Variants in OSBPL10 observed in about 807,000 individuals in gnomAD.
OSBPL10 encodes oxysterol-binding protein-related protein 10.
Under a neutral mutation model 81.7 loss-of-function variants are expected in OSBPL10, and 49 were observed. The ratio of observed to expected loss-of-function variants is 0.60; its 90% confidence interval spans 0.48 to 0.76. The LOEUF is 0.76. Among genes scored for constraint, OSBPL10 ranks in the 30% least tolerant of loss-of-function variants. The pLI is 0.00. For missense variants in OSBPL10, 923 were observed against 987.8 expected, an observed-to-expected ratio of 0.93 and a Z score of 0.88; for synonymous variants, 419 against 383.6, an observed-to-expected ratio of 1.09 and a Z score of -1.08.
chr3:31,769,511 T>A (rs1227648173), intron 4 of OSBPL10, among the ~76,000 whole-genome samples: 1 of 138,886 alleles, frequency 7.2e-6, no homozygotes, highest in Non-Finnish European at 1.5e-5. Flanking sequence ...TAAAAATATA[T>A]TTTTATATTA....
intron 4 of OSBPL10, among the ~76,000 whole-genome samples, chr3:31,748,643 C>A (rs1164238712): frequency 1.8e-3 from 224 of 127,632 alleles, no homozygotes; most frequent in Admixed American, 3.2e-3. Flanking sequence ...CGCTCGCTTG[C>A]AAAAAAAAAA....
intron 1 of OSBPL10, among the ~76,000 whole-genome samples, chr3:31,965,546 T>TAAAC (rs1698323458): frequency 2.4e-5 from 1 of 41,438 alleles, no homozygotes; most frequent in African/African-American, 1.8e-4. Flanking sequence ...AAATTATATA[T>TAAAC]TATATATTAT....
At chr3:31,937,576 A>G (rs575702947) in intron 1 of OSBPL10, among the ~76,000 whole-genome samples, 3 of 152,032 alleles carry the variant, frequency 2.0e-5, no homozygotes, top group Non-Finnish European at 2.9e-5. Flanking sequence ...AGTCCTGTCC[A>G]AAGTTCAAGC....
At chr3:31,905,036 A>G (rs1398631036) in intron 1 of OSBPL10, among the ~76,000 whole-genome samples, 2 of 152,238 alleles carry the variant, frequency 1.3e-5, no homozygotes, top group Non-Finnish European at 1.5e-5. Flanking sequence ...ACCTCACAGG[A>G]CTTCAATGAG....
At chr3:31,931,419 G>A (rs1308823738) in intron 1 of OSBPL10, among the ~76,000 whole-genome samples, 1 of 152,064 alleles carries the variant, frequency 6.6e-6, no homozygotes, top group Non-Finnish European at 1.5e-5. Context: ...GGGTCCCCTA[G>A]CTGGTCTCCA....
At chr3:31,934,448 G>A (rs1439002192) in intron 1 of OSBPL10, among the ~76,000 whole-genome samples, 2 of 146,310 alleles carry the variant, frequency 1.4e-5, no homozygotes, top group African/African-American at 2.6e-5. Flanking sequence ...TCGCTCTGGC[G>A]CCCAGGCTGG....
intron 1 of OSBPL10, among the ~76,000 whole-genome samples, chr3:31,919,690 G>A (rs1311215623): frequency 6.6e-6 from 1 of 152,178 alleles, no homozygotes; most frequent in Non-Finnish European, 1.5e-5. Flanking sequence ...CAAAGGTCCA[G>A]GGAGGCAGTT....
chr3:31,741,847 C>A (rs1217530294), intron 5 of OSBPL10, among the ~76,000 whole-genome samples: 1 of 152,124 alleles, frequency 6.6e-6, no homozygotes, highest in Non-Finnish European at 1.5e-5. Context: ...GTGAATGGGT[C>A]TCACGAGATC....
chr3:31,708,829 G>C (rs1226551137), intron 6 of OSBPL10: 10 of 985,312 alleles, frequency 1.0e-5, no homozygotes, highest in Non-Finnish European at 1.2e-5. Flanking sequence ...TATCTCAGCT[G>C]AAAGGGTGGA....
chr3:32,042,243 T>C (rs1699582701), intron 2 of OSBPL10, among the ~76,000 whole-genome samples: 1 of 152,222 alleles, frequency 6.6e-6, no homozygotes, highest in African/African-American at 2.4e-5. Flanking sequence ...TAAGTCTTTC[T>C]AGTTAAGGAC....
intron 2 of OSBPL10, among the ~76,000 whole-genome samples, chr3:32,020,859 G>A (rs1382127075): frequency 6.6e-6 from 1 of 152,192 alleles, no homozygotes; most frequent in East Asian, 1.9e-4. Context: ...CTGCCATAAT[G>A]AAATACCACA....
rs1352518252 is a variant in OSBPL10, at chr3:32,065,991, GAAAGAAAGAAAGAAAGAGAA to G, written n.185+11385_185+11404del. Among the ~76,000 whole-genome samples, 118 of 65,384 alleles carry G rather than the reference GAAAGAAAGAAAGAAAGAGAA, an allele frequency of 1.8e-3. 30 individuals are homozygous for G. Among genetic ancestry groups the G allele is most frequent in the African/African-American group, 4.0e-3 (112 of 28,100 alleles). 42.9% of individuals were successfully genotyped at this position (65,384 alleles called of 152,430 possible). A position where few individuals can be genotyped will look rare whatever the true frequency, so the allele number is the denominator to read the frequency against. The stretch of plus-strand genomic sequence containing the variant: ...AGAAAGAAAGAAAGAAAGAAAGAAA[GAAAGAAAGAAAGAAAGAGAA>G]AGAAAGAAAGAAAGAGAGAGAGAGA... On this transcript the variant is annotated intron_variant and non_coding_transcript_variant, in intron 1 of 3. Coordinates refer to the OSBPL10 transcript ENST00000479173.
intron 1 of OSBPL10, among the ~76,000 whole-genome samples, chr3:31,957,283 T>C (rs1698035623): frequency 6.6e-6 from 1 of 152,200 alleles, no homozygotes; most frequent in African/African-American, 2.4e-5. Flanking sequence ...CAGAGACTCC[T>C]GACTTATTGT....
intron 6 of OSBPL10, among the ~76,000 whole-genome samples, chr3:31,727,697 T>C (rs1256146213): frequency 6.6e-6 from 1 of 152,190 alleles, no homozygotes; most frequent in Non-Finnish European, 1.5e-5. Context: ...ACTTATAAGA[T>C]TGAAACTTTA....
chr3:31,853,845 G>A (rs1211909055), intron 3 of OSBPL10, among the ~76,000 whole-genome samples: 1 of 152,130 alleles, frequency 6.6e-6, no homozygotes, highest in Admixed American at 6.5e-5. Context: ...AGTGGTGCTG[G>A]AGCAGCAAGG....
At chr3:31,680,178 C>CT (rs1198548073) in intron 8 of OSBPL10, among the ~76,000 whole-genome samples, 1 of 152,168 alleles carries the variant, frequency 6.6e-6, no homozygotes, top group Admixed American at 6.5e-5. Flanking sequence ...TCTAGCCCTG[C>CT]CCCCACAGAA....
chr3:31,780,075 G>A (rs753531033), intron 4 of OSBPL10, among the ~76,000 whole-genome samples: 3 of 152,100 alleles, frequency 2.0e-5, no homozygotes, highest in Non-Finnish European at 4.4e-5. Context: ...GGTGGATCAT[G>A]AGGTCAGGCA....
chr3:31,989,785 G>A (rs1373551702), intron 2 of OSBPL10: 2 of 1,614,140 alleles, frequency 1.2e-6, no homozygotes, highest in Admixed American at 1.7e-5. Flanking sequence ...TAATGAGAGT[G>A]GCAAAGCCTT....
chr3:31,716,558 G>A (rs1696443766), intron 6 of OSBPL10, among the ~76,000 whole-genome samples: 2 of 152,188 alleles, frequency 1.3e-5, no homozygotes, highest in South Asian at 4.1e-4. Flanking sequence ...AGTAGCAGGT[G>A]TGATAGGGGC....
Sources: allele counts gnomAD v4.1 joint callset (sites outside exome capture counted in the v4.1 genomes callset), GRCh38; gene constraint gnomAD v4.1.1; transcripts MANE v1.5; gene names NCBI Gene and HGNC (gene_info 2026-07-23, HGNC 2026-07-21).